CNTN5: variants seen among roughly 807,000 people sequenced by gnomAD.
The protein encoded by CNTN5 is contactin-5.
In CNTN5, 77 loss-of-function variants were observed where a neutral mutation model predicts 129.1. The observed-to-expected ratio is 0.60, with a 90% CI of 0.50 to 0.72. The LOEUF is 0.72. Ranked by LOEUF, CNTN5 falls within the 30% of genes least tolerant of loss-of-function variation. The pLI is 0.00. For synonymous variants in CNTN5, 509 were observed against 465.6 expected (o/e 1.09, Z -1.20); for missense variants, 1,478 against 1,328.8 (o/e 1.11, Z -1.75).
intron 8 of CNTN5, among the ~76,000 whole-genome samples, chr11:99,991,706 C>T (rs1939109714): frequency 6.6e-6 from 1 of 152,086 alleles, no homozygotes; most frequent in Non-Finnish European, 1.5e-5. Flanking sequence ...CTACTTCCCT[C>T]CATGTAGTGG....
chr11:99,074,091 C>T (rs963352651), intron 1 of CNTN5, among the ~76,000 whole-genome samples: 6 of 152,236 alleles, frequency 3.9e-5, no homozygotes, highest in Admixed American at 2.6e-4. Flanking sequence ...GAGATGTTAT[C>T]TCATTGTGGT....
chr11:99,597,116 G>A (rs190691354), intron 3 of CNTN5, among the ~76,000 whole-genome samples: 1 of 152,260 alleles, frequency 6.6e-6, no homozygotes, highest in African/African-American at 2.4e-5. Flanking sequence ...TGATCCAGAA[G>A]ACTCTCCTAC....
At chr11:99,957,660 G>C (rs1764303680) in intron 8 of CNTN5, among the ~76,000 whole-genome samples, 1 of 140,646 alleles carries the variant, frequency 7.1e-6, no homozygotes, top group South Asian at 2.4e-4. Context: ...AGTTTGCTCT[G>C]TCATGCAGCA....
chr11:100,189,536 C>A (rs1043120182), intron 13 of CNTN5, among the ~76,000 whole-genome samples: 1 of 152,120 alleles, frequency 6.6e-6, no homozygotes, highest in Admixed American at 6.6e-5. Context: ...CACATAATTT[C>A]AAGATATTAA....
rs1708372231 is a variant in CNTN5, at chr11:99,748,319, A to G, written c.56-71225A>G. Among the ~76,000 whole-genome samples the G allele has an allele frequency of 2.0e-5, 3 of 151,984 alleles. No individual in the cohort carries two copies. In the South Asian group the frequency reaches 6.2e-4, roughly 32 times the overall value. On this transcript the variant is annotated intron_variant, in intron 3 of 24. Coordinates refer to ENST00000524871, the MANE Select transcript of CNTN5 (RefSeq NM_014361.4). Reference sequence around the variant, plus strand: ...TAATTCAAATGTTGGGTTGAATTCAACTCGAAGCCATCAAATCCTGGGCTT... The same window carrying G: ...TAATTCAAATGTTGGGTTGAATTCAGCTCGAAGCCATCAAATCCTGGGCTT...
At chr11:99,506,029 A>G (rs1285762475) in intron 2 of CNTN5, among the ~76,000 whole-genome samples, 1 of 152,240 alleles carries the variant, frequency 6.6e-6, no homozygotes, top group Non-Finnish European at 1.5e-5. Flanking sequence ...AGCTGCCTGA[A>G]TAAACAGGAG....
intron 1 of CNTN5, among the ~76,000 whole-genome samples, chr11:99,203,309 G>A (rs1176535978): frequency 6.6e-6 from 1 of 152,122 alleles, no homozygotes; most frequent in African/African-American, 2.4e-5. Context: ...GAGCTTCATG[G>A]AAGTTTATAT....
intron 2 of CNTN5, among the ~76,000 whole-genome samples, chr11:99,345,298 G>A (rs1213032670): frequency 2.0e-5 from 3 of 152,030 alleles, no homozygotes; most frequent in Non-Finnish European, 1.5e-5. Flanking sequence ...GTTGTTGAGG[G>A]GGATATAATC....
In CNTN5 at chr11:100,010,439, G is replaced by GA. The variant is rs201263742; in HGVS notation, c.980+8309dup. Among the ~76,000 whole-genome samples, 389 of 152,124 alleles carry GA rather than the reference G, an allele frequency of 2.6e-3. 15 individuals carry two copies. In the East Asian group the frequency reaches 0.068, roughly 27 times the overall value. On this transcript the variant is annotated intron_variant, in intron 9 of 24. Transcript: ENST00000524871. ...ATGAAGCCTCTCCTGAAAGTGTTGG[G>GA]AAAAAACTTGAACTGTATTTTATTG...
intron 9 of CNTN5, among the ~76,000 whole-genome samples, chr11:100,031,673 T>C (rs1299658074): frequency 1.3e-5 from 2 of 152,238 alleles, no homozygotes; most frequent in Admixed American, 6.5e-5. Context: ...AATATCTTGC[T>C]AATCATAGGT....
intron 3 of CNTN5, among the ~76,000 whole-genome samples, chr11:99,600,080 G>C (rs1040225253): frequency 6.6e-6 from 1 of 152,094 alleles, no homozygotes; most frequent in East Asian, 1.9e-4. Context: ...CTCAGTCGTT[G>C]ATAGCAGAGT....
intron 2 of CNTN5, among the ~76,000 whole-genome samples, chr11:99,535,916 C>CA (rs1173190681): frequency 2.6e-5 from 4 of 151,732 alleles, no homozygotes; most frequent in African/African-American, 4.8e-5. Context: ...GGTATAAAAG[C>CA]GAAAAAATCA....
At chr11:99,324,611 G>A (rs1478908742) in intron 1 of CNTN5, among the ~76,000 whole-genome samples, 1 of 152,162 alleles carries the variant, frequency 6.6e-6, no homozygotes, top group Non-Finnish European at 1.5e-5. Context: ...GAATTTCAGT[G>A]TATAGAGAAT....
chr11:99,584,175 A>G (rs2135634716), intron 3 of CNTN5, among the ~76,000 whole-genome samples: 1 of 152,334 alleles, frequency 6.6e-6, no homozygotes, highest in South Asian at 2.1e-4. Flanking sequence ...AAAATTGAAT[A>G]TTTAAATTGT....
At chr11:99,501,547 A>T (rs1381117429) in intron 2 of CNTN5, among the ~76,000 whole-genome samples, 1 of 152,226 alleles carries the variant, frequency 6.6e-6, no homozygotes, top group African/African-American at 2.4e-5. Context: ...AAGATGCTGC[A>T]GTTGCAAAAG....
At chr11:99,312,065 G>T (rs1264032226) in intron 1 of CNTN5, among the ~76,000 whole-genome samples, 2 of 152,160 alleles carry the variant, frequency 1.3e-5, no homozygotes, top group Non-Finnish European at 2.9e-5. Context: ...TTCTTTGATT[G>T]TGACTGGGTT....
Position 100,294,930 on chromosome 11 carries a change from T to G in CNTN5, c.2315-2695T>G, listed in dbSNP as rs34723066. Among the ~76,000 whole-genome samples, 782 of 151,770 alleles carry G rather than the reference T, an allele frequency of 5.2e-3. 3 individuals carry two copies. The highest frequency in any genetic ancestry group is 0.027 in the Middle Eastern group (8 of 294). ...ACATGGGTTTCGCTGATTAGCTGCA[T>G]GTAATTAGGAAATTTAAGCCAATTG... On this transcript the variant is annotated intron_variant, in intron 18 of 24. Transcript: ENST00000524871.
At chr11:99,984,229 A>C (rs571881115) in intron 8 of CNTN5, among the ~76,000 whole-genome samples, 8 of 152,196 alleles carry the variant, frequency 5.3e-5, no homozygotes, top group African/African-American at 1.9e-4. Flanking sequence ...GTGAGCCAAG[A>C]TTGTGCCACA....
At chr11:99,867,327 T>C (rs1419770933) in intron 6 of CNTN5, among the ~76,000 whole-genome samples, 1 of 152,202 alleles carries the variant, frequency 6.6e-6, no homozygotes, top group Non-Finnish European at 1.5e-5. Flanking sequence ...CATGCTGGAT[T>C]CTATCATAAG....
Sources: allele counts gnomAD v4.1 joint callset (sites outside exome capture counted in the v4.1 genomes callset), GRCh38; gene constraint gnomAD v4.1.1; transcripts MANE v1.5; gene names NCBI Gene and HGNC (gene_info 2026-07-23, HGNC 2026-07-21).